The following NUP133 variants were observed in gnomAD, a reference collection of about 807,000 sequenced individuals.
NUP133 encodes the protein nucleoporin 133.
A neutral mutation model predicts 146.2 loss-of-function variants in NUP133; 66 were observed. The ratio of observed to expected loss-of-function variants is 0.45; its 90% CI spans 0.37 to 0.55. The LOEUF (loss-of-function observed/expected upper bound fraction) is 0.55. Among genes scored for constraint, NUP133 ranks in the 20% least tolerant of loss-of-function variants. The probability of loss-of-function intolerance (pLI) is 0.00; values close to 1 mark genes in which losing one functional copy is unlikely to be tolerated. For synonymous variants in NUP133, 521 were observed against 498.8 expected, an observed-to-expected ratio of 1.04 and a Z score of -0.59; for missense variants, 1,277 against 1,374.8, an observed-to-expected ratio of 0.93 and a Z score of 1.12.
At position 229,498,136 on chromosome 1, in the gene NUP133, T is replaced by C. The variant is rs1219714092; in HGVS notation, c.819A>G (p.Thr273=). ...FGILSPSSDL[T]LSSVLWDRER... ...TAAAATAGTTATTTTATAAACTTAC[T>C]GTGAGATCACTACTAGGAGATAAAA... Residue 273 remains threonine (T), a splice_region_variant and synonymous_variant, in exon 6 of 26, where the codon ACA becomes ACG. Transcript: ENST00000261396. The C allele has an allele frequency of 1.3e-6, 2 of 1,570,390 alleles. No homozygotes were observed. Among genetic ancestry groups the C allele is most frequent in the Non-Finnish European group, 1.7e-6 (2 of 1,162,216 alleles).
intron 12 of NUP133, among the ~76,000 whole-genome samples, chr1:229,482,527 CTGAG>C (rs920207898): frequency 6.6e-6 from 1 of 152,170 alleles, no homozygotes; most frequent in Non-Finnish European, 1.5e-5. Context: ...CACCATTTTC[CTGAG>C]TATTTATTCA....
chr1:229,502,021 A>G lies in NUP133; in HGVS notation c.383T>C (p.Ile128Thr), dbSNP rs769234139. 23 of 1,613,194 alleles carry G rather than the reference A, an allele frequency of 1.4e-5. No homozygotes were observed. Among genetic ancestry groups the G allele is most frequent in the Non-Finnish European group, 1.7e-5 (20 of 1,179,290 alleles). The change falls in exon 3 of 26, where the codon ATT (isoleucine) becomes ACT (threonine). Residue 128 changes from isoleucine to threonine, a missense_variant. By Grantham distance (89) the Ile-to-Thr change is moderately conservative. Transcript: ENST00000261396. ...VCKEKLIIWK[I>T]ALSPITKLSV... ...TACCTTAGTAATAGGTGACAGAGCA[A>G]TCTTCCAAATAATGAGCTTCTCTTT...
rs142046957 is a variant in NUP133 at position 229,477,652 on chromosome 1, G to T, written c.1701C>A (p.Asp567Glu). Residue 567 changes from aspartate (D) to glutamate (E), a missense_variant, in exon 13 of 26, where the codon GAC becomes GAA. Physicochemically the swap from Asp to Glu is conservative, Grantham distance 45. This residue lies in a region of NUP133 where 952 missense variants were observed against 1,047.0 expected (regional missense o/e 0.91). Transcript: ENST00000261396. Reference sequence around the variant, plus strand: ...CAGATGCTGGGTAGTCATCCATCAGGTCTACACTGATTTGGGTAACTGCCC... The same window carrying T: ...CAGATGCTGGGTAGTCATCCATCAGTTCTACACTGATTTGGGTAACTGCCC... ...LDRAVTQISV[D>E]LMDDYPASDP... 6.1e-4 allele frequency: 977 copies of T among 1,613,874 alleles called. No individual in the cohort carries two copies. Among genetic ancestry groups the T allele is most frequent in the Non-Finnish European group, 7.8e-4 (920 of 1,179,910 alleles).
intron 9 of NUP133, 35 bp downstream of exon 9, chr1:229,489,920 T>A: frequency 6.6e-7 from 1 of 1,510,262 alleles, no homozygotes; most frequent in Non-Finnish European, 8.9e-7. Flanking sequence ...ACTCAACATA[T>A]TATTGCTTTG....
Position 229,500,782 on chromosome 1 carries a change from G to C in NUP133, c.487C>G (p.Pro163Ala). 1 of 1,612,546 alleles carries C rather than the reference G, an allele frequency of 6.2e-7. No individual in the cohort carries two copies. The highest frequency in any genetic ancestry group is 1.1e-5 in the South Asian group (1 of 90,918). ...TGAGTAGAATGTGCTTCACCTGAGG[G>C]AGAAGAGTAAGAAAGAGCCACTAAG... ...ADLVALSYSSPSGEAHSTQAV... is the reference protein window; with the variant it reads ...ADLVALSYSSASGEAHSTQAV... The change falls in exon 4 of 26, where the codon CCC (proline) becomes GCC (alanine). Residue 163 changes from proline (P) to alanine (A), a missense_variant. Physicochemically the swap from Pro to Ala is conservative, Grantham distance 27. Around this residue, in one of 3 missense-constraint regions of NUP133, gnomAD observed 319 missense variants for 306.9 expected, o/e 1.04. Transcript: ENST00000261396.
intron 11 of NUP133, among the ~76,000 whole-genome samples, chr1:229,484,372 A>T (rs1257919112): frequency 2.7e-5 from 4 of 145,868 alleles, no homozygotes; most frequent in Admixed American, 7.1e-5. Context: ...CTGATGAGTT[A>T]AAAAAAAAAA....
At chr1:229,506,225 T>G in intron 1 of NUP133, 67 bp from the exon 2 acceptor site, 1 of 878,270 alleles carries the variant, frequency 1.1e-6, no homozygotes, top group Non-Finnish European at 1.8e-6. Context: ...ATTTTTTATG[T>G]ATATATTTTC....
intron 20 of NUP133, among the ~76,000 whole-genome samples, chr1:229,459,669 A>G (rs911414022): frequency 3.9e-5 from 6 of 152,186 alleles, no homozygotes. Flanking sequence ...CAGCTTCATC[A>G]ATGCTGTTGC....
chr1:229,463,440 C>G, intron 19 of NUP133, 103 bp downstream of exon 19: 1 of 1,249,038 alleles, frequency 8.0e-7, no homozygotes, highest in South Asian at 1.6e-5. Flanking sequence ...ACAAAAAGAT[C>G]GTATCATATT....
Position 229,463,678 on chromosome 1 carries a change from T to C in NUP133, c.2552-2A>G. On this transcript the variant is annotated splice_acceptor_variant, in intron 18 of 25. Coordinates refer to ENST00000261396, the MANE Select transcript of NUP133 (RefSeq NM_018230.3). LOFTEE classifies it high-confidence loss of function. ...CCCACAGGTACTGGCCTAGTGAAAC[T>C]GTGGGAATGAGAAAAGATGGGAAAA... The C allele has an allele frequency of 1.9e-6, 3 of 1,589,734 alleles. No homozygotes were observed. Among genetic ancestry groups the C allele is most frequent in the Non-Finnish European group, 2.6e-6 (3 of 1,173,350 alleles).
intron 13 of NUP133, among the ~76,000 whole-genome samples, chr1:229,477,150 G>A (rs1021035168): frequency 6.6e-5 from 10 of 151,862 alleles, no homozygotes; most frequent in Admixed American, 6.6e-4. Flanking sequence ...CTATAAGGAA[G>A]GTTACCTGGC....
chr1:229,455,084 T>C (rs1189141132), intron 21 of NUP133, among the ~76,000 whole-genome samples: 2 of 152,046 alleles, frequency 1.3e-5, no homozygotes, highest in African/African-American at 2.4e-5. Flanking sequence ...CTGGAGAAAA[T>C]ATTGAAATCC....
At chr1:229,448,541 A>T (rs532596628) in intron 24 of NUP133, among the ~76,000 whole-genome samples, 1 of 152,220 alleles carries the variant, frequency 6.6e-6, no homozygotes, top group Non-Finnish European at 1.5e-5. Context: ...TTTAGCACAT[A>T]ATCAACAAAT....
intron 1 of NUP133, among the ~76,000 whole-genome samples, chr1:229,507,520 A>C (rs1661975336): frequency 6.8e-6 from 1 of 146,644 alleles, no homozygotes; most frequent in Non-Finnish European, 1.5e-5. Flanking sequence ...CTCTTAGCTC[A>C]CTTATGTAAA....
chr1:229,485,179 G>C (rs1302051919), intron 11 of NUP133, among the ~76,000 whole-genome samples: 1 of 152,148 alleles, frequency 6.6e-6, no homozygotes, highest in South Asian at 2.1e-4. Flanking sequence ...AGAAATACAA[G>C]CTCCTTGGAA....
Position 229,441,797 on chromosome 1 carries a change from C to A in NUP133, c.*107G>T. The A allele has an allele frequency of 1.1e-6, 1 of 903,740 alleles. No homozygotes were observed. 56.0% of individuals were successfully genotyped at this position (903,740 alleles called of 1,614,324 possible). ...CTACATATAAAGTATAAAAACTCAG[C>A]TATACATGTTATGAAATTGTACAAA... On this transcript the variant is annotated 3_prime_UTR_variant, in exon 26 of 26. Transcript: ENST00000261396.
At chr1:229,491,037 T>A (rs1474073176) in intron 8 of NUP133, among the ~76,000 whole-genome samples, 1 of 151,726 alleles carries the variant, frequency 6.6e-6, no homozygotes, top group African/African-American at 2.4e-5. Context: ...GCTCAATAAA[T>A]CTGACTTTAA....
chr1:229,503,482 C>T (rs1169739243), intron 2 of NUP133, among the ~76,000 whole-genome samples: 1 of 152,142 alleles, frequency 6.6e-6, no homozygotes. Flanking sequence ...GTTACGTTCT[C>T]TATTAAGTGA....
In NUP133 at chr1:229,464,798, C is replaced by T; in HGVS notation, c.2377G>A (p.Ala793Thr). 6.2e-7 allele frequency: 1 copy of T among 1,614,178 alleles called. No individual in the cohort carries two copies. The highest frequency in any genetic ancestry group is 8.5e-7 in the Non-Finnish European group (1 of 1,180,028). ...ACGATGTTTCGGAGGTTGCTGTCTG[C>T]CTGTGGATAAGCCACCTTCAGGACA... ...EIVLKVAYPQ[A>T]DSNLRNIVTE... The change falls in exon 18 of 26, where the codon GCA becomes ACA. Residue 793 changes from alanine to threonine, a missense_variant. This residue lies in a region of NUP133 where 952 missense variants were observed against 1,047.0 expected (regional missense o/e 0.91). Transcript: ENST00000261396.
Sources: gnomAD v4.1 joint callset for allele counts (sites outside exome capture counted in the v4.1 genomes callset) on GRCh38, gnomAD v4.1.1 for gene constraint, gnomAD v4.1.1 regional missense constraint, MANE v1.5 for transcripts, NCBI Gene and HGNC (gene_info 2026-07-23, HGNC 2026-07-21) for gene names.